The following DNAH9 variants were observed in gnomAD, a reference collection of about 807,000 sequenced individuals.
DNAH9 encodes the protein dynein axonemal heavy chain 9, also known as DNAH9 variant protein.
DNAH9 carries 345 observed loss-of-function variants against 471.6 expected under a neutral mutation model. The ratio of observed to expected loss-of-function variants is 0.73; its 90% CI spans 0.67 to 0.80. The LOEUF (loss-of-function observed/expected upper bound fraction) is 0.80, where lower values mean the gene tolerates loss of function less well. DNAH9 is among the 30% of genes least tolerant of loss of function. The pLI is 0.00. For missense variants in DNAH9, 5,407 were observed against 5,609.2 expected, an observed-to-expected ratio of 0.96 and a Z score of 1.15; for synonymous variants, 2,093 against 2,123.6, an observed-to-expected ratio of 0.99 and a Z score of 0.40.
chr17:11,839,527 A>G (rs1378804596), intron 49 of DNAH9, among the ~76,000 whole-genome samples: 1 of 151,988 alleles, frequency 6.6e-6, no homozygotes. Context: ...AAAAAAAAAA[A>G]AAGAAAATAA....
At chr17:11,740,357 C>T (rs1177204010) in intron 29 of DNAH9, among the ~76,000 whole-genome samples, 7 of 152,200 alleles carry the variant, frequency 4.6e-5, no homozygotes, top group Non-Finnish European at 8.8e-5. Flanking sequence ...ATTTATTTCT[C>T]ACAGTTCTAG....
At chr17:11,830,767 T>A (rs1405055038) in intron 48 of DNAH9, among the ~76,000 whole-genome samples, 1 of 152,196 alleles carries the variant, frequency 6.6e-6, no homozygotes, top group East Asian at 1.9e-4. Context: ...AAGTCAAAGA[T>A]AGGGCTTAAT....
intron 50 of DNAH9, among the ~76,000 whole-genome samples, chr17:11,865,515 G>A (rs1407932956): frequency 2.6e-5 from 4 of 151,954 alleles, no homozygotes; most frequent in East Asian, 1.9e-4. Flanking sequence ...TGCTCTTCTC[G>A]AGGCGTATCT....
chr17:11,664,997 T>G, intron 15 of DNAH9, 29 bp downstream of exon 15: 1 of 1,597,298 alleles, frequency 6.3e-7, no homozygotes, highest in Non-Finnish European at 8.6e-7. Context: ...ATGTGGGTTA[T>G]TATTGGAAAG....
At chr17:11,645,704 C>T (rs904118698) in intron 11 of DNAH9, among the ~76,000 whole-genome samples, 14 of 152,038 alleles carry the variant, frequency 9.2e-5, no homozygotes, top group African/African-American at 3.1e-4. Context: ...TTGGCTACAC[C>T]AGGAATGCTC....
At chr17:11,946,295 T>C (rs549899819) in intron 67 of DNAH9, among the ~76,000 whole-genome samples, 2 of 151,886 alleles carry the variant, frequency 1.3e-5, no homozygotes, top group South Asian at 4.2e-4. Context: ...GAAACAGATT[T>C]TGTCTATCAG....
At chr17:11,707,998 CACACACACACACACACAGAG>C (rs1370856653) in intron 26 of DNAH9, among the ~76,000 whole-genome samples, 5,003 of 57,578 alleles carry the variant, frequency 0.087, 80 homozygotes, top group East Asian at 0.16. Context: ...CACACACACA[CACACACACACACACACAGAG>C]AGAGAGAGAG....
rs1404986645 is a variant in DNAH9 at position 11,606,443 on chromosome 17, C to CTTTTTTTTTTTTTTTTTTT, written c.418-1682_418-1681insTTTTTTTTTTTTTTTTTTT. Among the ~76,000 whole-genome samples, 79 of 69,138 alleles carry CTTTTTTTTTTTTTTTTTTT rather than the reference C, an allele frequency of 1.1e-3. 11 individuals carry two copies. Among genetic ancestry groups the CTTTTTTTTTTTTTTTTTTT allele is most frequent in the South Asian group, 3.0e-3 (4 of 1,352 alleles). The allele number at this position is 69,138 out of a possible 152,430, so 45.4% of individuals were successfully genotyped here. A position where few individuals can be genotyped will look rare whatever the true frequency, so the allele number is the denominator to read the frequency against. ...CTGACAACTTTCTTTCTTTTCTTTT[C>CTTTTTTTTTTTTTTTTTTT]TTTTCTTTTCTTTTTTTTTTTTTTG... On this transcript the variant is annotated intron_variant, in intron 1 of 68. Coordinates refer to ENST00000262442, the MANE Select transcript of DNAH9 (RefSeq NM_001372.4).
chr17:11,698,683 T>C (rs565540738), intron 22 of DNAH9, among the ~76,000 whole-genome samples: 48 of 152,198 alleles, frequency 3.2e-4, no homozygotes, highest in African/African-American at 9.1e-4. Flanking sequence ...GAGGGCCCTT[T>C]GTAATTATTC....
At chr17:11,685,717 G>A (rs1419191438) in intron 19 of DNAH9, among the ~76,000 whole-genome samples, 4 of 152,068 alleles carry the variant, frequency 2.6e-5, no homozygotes, top group East Asian at 1.9e-4. Flanking sequence ...ACAAGTGGTC[G>A]GAAGAGCTTT....
chr17:11,927,175 T>C (rs1974358905), intron 62 of DNAH9, among the ~76,000 whole-genome samples: 1 of 152,192 alleles, frequency 6.6e-6, no homozygotes, highest in Non-Finnish European at 1.5e-5. Context: ...GTGTCAGGTC[T>C]AATTGCAAAA....
intron 49 of DNAH9, among the ~76,000 whole-genome samples, chr17:11,852,433 T>A (rs2150968703): frequency 6.6e-6 from 1 of 151,918 alleles, no homozygotes; most frequent in Admixed American, 6.6e-5. Context: ...GACCAGGGGG[T>A]CCTTCACATG....
intron 5 of DNAH9, 130 bp from the exon 6 acceptor site, chr17:11,619,418 C>T (rs763005032): frequency 1.1e-4 from 74 of 668,788 alleles, no homozygotes; most frequent in Non-Finnish European, 1.8e-4. Flanking sequence ...GAATGGAAAG[C>T]GAGGTCAGAT....
At chr17:11,830,990 T>C (rs948887092) in intron 48 of DNAH9, among the ~76,000 whole-genome samples, 1 of 152,196 alleles carries the variant, frequency 6.6e-6, no homozygotes, top group East Asian at 1.9e-4. Context: ...GAACATTTAT[T>C]AGGCAGGCAG....
At chr17:11,757,929 C>T (rs539461079) in intron 35 of DNAH9, among the ~76,000 whole-genome samples, 15 of 152,258 alleles carry the variant, frequency 9.9e-5, no homozygotes, top group African/African-American at 2.9e-4. Flanking sequence ...AAGTCCCTTT[C>T]GTGAGTGCCA....
intron 67 of DNAH9, among the ~76,000 whole-genome samples, chr17:11,951,883 A>C (rs992712486): frequency 7.3e-5 from 11 of 150,684 alleles, no homozygotes; most frequent in African/African-American, 2.7e-4. Flanking sequence ...AGATCACACC[A>C]CTGCACTCTA....
intron 27 of DNAH9, among the ~76,000 whole-genome samples, chr17:11,726,446 G>C (rs1271437491): frequency 1.3e-5 from 2 of 152,122 alleles, no homozygotes; most frequent in African/African-American, 2.4e-5. Context: ...AAATTTGCTT[G>C]ACCAAAAAGC....
intron 62 of DNAH9, among the ~76,000 whole-genome samples, chr17:11,926,978 T>C (rs1974352226): frequency 6.6e-6 from 1 of 152,234 alleles, no homozygotes; most frequent in Non-Finnish European, 1.5e-5. Flanking sequence ...TATCTCATTG[T>C]GGTTCTGATT....
At chr17:11,599,084 G>C (rs1017293585) in intron 1 of DNAH9, among the ~76,000 whole-genome samples, 169 bp downstream of exon 1, 1 of 152,008 alleles carries the variant, frequency 6.6e-6, no homozygotes, top group African/African-American at 2.4e-5. Context: ...ACAACCAGGA[G>C]GGAAGTTCCT....
Sources: allele counts gnomAD v4.1 joint callset (sites outside exome capture counted in the v4.1 genomes callset), GRCh38; gene constraint gnomAD v4.1.1; transcripts MANE v1.5; gene names NCBI Gene and HGNC (gene_info 2026-07-23, HGNC 2026-07-21).